Variants in FARP1 observed in about 807,000 individuals in gnomAD.
The protein encoded by FARP1 is FERM, ARHGEF and pleckstrin domain-containing protein 1.
Under a neutral mutation model 128.8 loss-of-function variants are expected in FARP1, and 52 were observed. The ratio of observed to expected loss-of-function variants is 0.40; its 90% CI spans 0.32 to 0.51. The LOEUF (loss-of-function observed/expected upper bound fraction) is 0.51. Ranked by LOEUF, FARP1 falls within the 20% of genes least tolerant of loss-of-function variation. The probability of loss-of-function intolerance (pLI) is 0.45; values close to 1 mark genes in which losing one functional copy is unlikely to be tolerated. For synonymous variants in FARP1, 580 were observed against 551.8 expected (o/e 1.05, Z -0.72); for missense variants, 1,333 against 1,367.9 (o/e 0.97, Z 0.40).
intron 2 of FARP1, among the ~76,000 whole-genome samples, chr13:98,262,182 A>T (rs1393818494): frequency 2.6e-4 from 36 of 140,814 alleles, no homozygotes; most frequent in African/African-American, 9.2e-4. Context: ...CGCCCTGCTA[A>T]TTTTTTTTTT....
chr13:98,317,745 G>A (rs1886785997), intron 2 of FARP1, among the ~76,000 whole-genome samples: 1 of 152,188 alleles, frequency 6.6e-6, no homozygotes, highest in Admixed American at 6.5e-5. Context: ...TCTGGAGGCT[G>A]GAAGTCCAAG....
intron 6 of FARP1, among the ~76,000 whole-genome samples, chr13:98,380,910 A>G (rs1889867910): frequency 6.6e-6 from 1 of 152,174 alleles, no homozygotes; most frequent in Non-Finnish European, 1.5e-5. Flanking sequence ...GTCAATTAAA[A>G]AAGTAAATTA....
chr13:98,428,384 C>T (rs898779350), intron 17 of FARP1, among the ~76,000 whole-genome samples: 3 of 152,134 alleles, frequency 2.0e-5, no homozygotes, highest in Non-Finnish European at 4.4e-5. Context: ...ACCACCTGTA[C>T]CTCTTTCTGA....
chr13:98,435,950 T>C, intron 19 of FARP1: 1 of 571,764 alleles, frequency 1.7e-6, no homozygotes, highest in South Asian at 1.6e-5. Context: ...TTCGCTTCTT[T>C]ACCTTTTCCC....
intron 13 of FARP1, 144 bp downstream of exon 13, chr13:98,395,620 A>G: frequency 2.0e-6 from 2 of 1,023,840 alleles, no homozygotes; most frequent in Non-Finnish European, 2.8e-6. Flanking sequence ...AACAAATGAC[A>G]ATTATGAGGG....
Position 98,453,307 on chromosome 13 carries a change from T to C in FARP1, c.*4990T>C. 7.9e-7 allele frequency: 1 copy of C among 1,273,082 alleles called. No individual in the cohort carries two copies. The highest frequency in any genetic ancestry group is 1.1e-6 in the Non-Finnish European group (1 of 904,090). The allele number at this position is 1,273,082 out of a possible 1,614,324, so 78.9% of individuals were successfully genotyped here. A position where few individuals can be genotyped will look rare whatever the true frequency, so the allele number is the denominator to read the frequency against. Reference sequence around the variant, plus strand: ...CAAAATCTTAGTTTTCATAAGAAATTCCAAGTCATACAAAAATAAGTGGAG... The same window carrying C: ...CAAAATCTTAGTTTTCATAAGAAATCCCAAGTCATACAAAAATAAGTGGAG... On this transcript the variant is annotated 3_prime_UTR_variant, in exon 27 of 27. Transcript: ENST00000319562.
intron 2 of FARP1, among the ~76,000 whole-genome samples, chr13:98,294,862 C>T (rs1885591439): frequency 6.6e-6 from 1 of 151,712 alleles, no homozygotes; most frequent in South Asian, 2.1e-4. Flanking sequence ...ACTAAAAATA[C>T]AAAAATTAGC....
chr13:98,352,900 C>T (rs990549543), intron 3 of FARP1, among the ~76,000 whole-genome samples: 7 of 152,158 alleles, frequency 4.6e-5, no homozygotes, highest in Non-Finnish European at 4.4e-5. Flanking sequence ...ACAATATAAA[C>T]TCCTGCCCTC....
chr13:98,163,756 T>C (rs2139137383), intron 1 of FARP1, among the ~76,000 whole-genome samples: 1 of 151,794 alleles, frequency 6.6e-6, no homozygotes, highest in African/African-American at 2.4e-5. Flanking sequence ...TCGCCCAGGC[T>C]GGAGTGCAGT....
intron 2 of FARP1, among the ~76,000 whole-genome samples, chr13:98,247,727 G>A (rs1883138139): frequency 6.6e-6 from 1 of 152,136 alleles, no homozygotes. Flanking sequence ...CAGTTCACGA[G>A]GAGCCAGAGT....
chr13:98,222,959 G>A (rs1419224886), intron 2 of FARP1, among the ~76,000 whole-genome samples: 1 of 152,012 alleles, frequency 6.6e-6, no homozygotes, highest in African/African-American at 2.4e-5. Flanking sequence ...AAGTGGGCAG[G>A]ATGGGTTGAA....
At chr13:98,244,839 G>C in intron 2 of FARP1, 1 of 1,466,084 alleles carries the variant, frequency 6.8e-7, no homozygotes. Context: ...GGTAGGAGTA[G>C]ATACAGATGT....
At chr13:98,212,988 A>G (rs1408878143) in intron 1 of FARP1, among the ~76,000 whole-genome samples, 2 of 152,254 alleles carry the variant, frequency 1.3e-5, no homozygotes, top group Non-Finnish European at 2.9e-5. Flanking sequence ...CGAGAAAGGA[A>G]TAAAATATGC....
Position 98,176,526 on chromosome 13 carries a change from G to T in FARP1, c.-24+33034G>T. On this transcript the variant is annotated intron_variant, in intron 1 of 26. Transcript: ENST00000319562. The surrounding 1 kb of genome is among the most constrained non-coding windows in gnomAD (Gnocchi z 6.2). ...CCACTTCATGGTTTTCGTCCTCGCA[G>T]ATACAGTAGCGACCCTCTTCAAGCT... 2 of 1,614,194 alleles carry T rather than the reference G, an allele frequency of 1.2e-6. No homozygotes were observed. Among genetic ancestry groups the T allele is most frequent in the Non-Finnish European group, 1.7e-6 (2 of 1,180,032 alleles).
At chr13:98,145,720 A>G (rs1875485525) in intron 1 of FARP1, among the ~76,000 whole-genome samples, 1 of 145,142 alleles carries the variant, frequency 6.9e-6, no homozygotes, top group Non-Finnish European at 1.5e-5. Flanking sequence ...AAAATTAGCC[A>G]GGGGTGGTAG....
chr13:98,376,759 G>GT (rs34686053), intron 5 of FARP1, among the ~76,000 whole-genome samples: 2,182 of 103,392 alleles, frequency 0.021, 60 homozygotes, highest in African/African-American at 0.059. Flanking sequence ...GGTTTTTTGT[G>GT]TTTTTTTTTT....
intron 1 of FARP1, among the ~76,000 whole-genome samples, chr13:98,152,976 G>GA (rs1267378995): frequency 6.6e-6 from 1 of 151,822 alleles, no homozygotes; most frequent in Non-Finnish European, 1.5e-5. Context: ...ATTTCTTCAA[G>GA]AAAAAAATGA....
chr13:98,198,246 C>A (rs954239278), intron 1 of FARP1, among the ~76,000 whole-genome samples: 2 of 152,162 alleles, frequency 1.3e-5, no homozygotes, highest in African/African-American at 4.8e-5. Context: ...TCGTTTCCAA[C>A]CTTAAGTTGA....
rs575501766 is a variant in FARP1 at position 98,305,053 on chromosome 13, T to C, written c.172-38709T>C. On this transcript the variant is annotated intron_variant, in intron 2 of 26. Coordinates refer to ENST00000319562, the MANE Select transcript of FARP1 (RefSeq NM_005766.4). ...GAGAGAGAGAGGAGTGAAGGTTCACTGTAATTTGTGGTTGAAAGATGATAG... is the reference window on the plus strand; with the variant it reads ...GAGAGAGAGAGGAGTGAAGGTTCACCGTAATTTGTGGTTGAAAGATGATAG... Among the ~76,000 whole-genome samples, 37 of 152,264 alleles carry C rather than the reference T, an allele frequency of 2.4e-4. No homozygotes were observed. The East Asian group carries it at 6.0e-3, about 25-fold the overall frequency.
Sources: gnomAD v4.1 joint callset for allele counts (sites outside exome capture counted in the v4.1 genomes callset) on GRCh38, gnomAD v4.1.1 for gene constraint, Gnocchi (gnomAD v3.1) non-coding constraint, MANE v1.5 for transcripts, NCBI Gene and HGNC (gene_info 2026-07-23, HGNC 2026-07-21) for gene names.